The following POMGNT2 variants were observed in gnomAD, a reference collection of about 807,000 sequenced individuals.
POMGNT2 encodes the protein protein O-linked-mannose beta-1,4-N-acetylglucosaminyltransferase 2.
A neutral mutation model predicts 37.8 loss-of-function variants in POMGNT2; 32 were observed. The observed-to-expected ratio is 0.85, with a 90% CI of 0.64 to 1.14. The LOEUF (loss-of-function observed/expected upper bound fraction) is 1.14. Ranked by LOEUF, POMGNT2 falls within the 50% of genes most tolerant of loss-of-function variation. The pLI is 0.00. For missense variants in POMGNT2, 705 were observed against 780.6 expected, an observed-to-expected ratio of 0.90 and a Z score of 1.15; for synonymous variants, 340 against 336.8, an observed-to-expected ratio of 1.01 and a Z score of -0.10.
In POMGNT2 at chr3:43,081,493, A is replaced by G. The variant is rs2125701426; in HGVS notation, c.-62T>C. On this transcript the variant is annotated 5_prime_UTR_variant, in exon 2 of 2. Transcript: ENST00000344697. ...CACTGGGAAGCACCACAGGCCAGGC[A>G]GGCTTCACCCATCCCTATGGGCATC... 1 of 1,367,654 alleles carries G rather than the reference A, an allele frequency of 7.3e-7. No individual in the cohort carries two copies. The highest frequency in any genetic ancestry group is 2.5e-5 in the East Asian group (1 of 39,996). The allele number at this position is 1,367,654 out of a possible 1,614,324, so 84.7% of individuals were successfully genotyped here. A position where few individuals can be genotyped will look rare whatever the true frequency, so the allele number is the denominator to read the frequency against.
intron 1 of POMGNT2, among the ~76,000 whole-genome samples, chr3:43,100,766 C>T (rs981883414): frequency 6.6e-6 from 1 of 152,160 alleles, no homozygotes; most frequent in African/African-American, 2.4e-5. Context: ...AGTCTATCTT[C>T]AACTTATGAT....
intron 1 of POMGNT2, among the ~76,000 whole-genome samples, chr3:43,082,063 G>C (rs2089861176): frequency 6.6e-6 from 1 of 152,224 alleles, no homozygotes; most frequent in African/African-American, 2.4e-5. Flanking sequence ...TCAGGGCTGA[G>C]CAACAGCTGA....
At chr3:43,086,185 A>G (rs185468405) in intron 1 of POMGNT2, among the ~76,000 whole-genome samples, 2 of 152,332 alleles carry the variant, frequency 1.3e-5, no homozygotes, top group Non-Finnish European at 2.9e-5. Flanking sequence ...GCTCTTAACC[A>G]AAGAAGCAGG....
At position 43,079,784 on chromosome 3, in the gene POMGNT2, T is replaced by C. The variant is rs2089829425; in HGVS notation, c.1648A>G (p.Ile550Val). ...ACCAGGTAGGTGGTGAAGGGCTTGA[T>C]GTTCTCAGTGAAGGTGTGGTTCTGC... ...ALQNHTFTEN[I>V]KPFTTYLVWV... Residue 550 changes from isoleucine to valine, a missense_variant, in exon 2 of 2, where the codon ATC becomes GTC. Transcript: ENST00000344697. The C allele has an allele frequency of 6.2e-7, 1 of 1,614,204 alleles. No homozygotes were observed. The highest frequency in any genetic ancestry group is 8.5e-7 in the Non-Finnish European group (1 of 1,180,046).
chr3:43,099,867 T>C (rs1442685712), intron 1 of POMGNT2, among the ~76,000 whole-genome samples: 2 of 152,146 alleles, frequency 1.3e-5, no homozygotes, highest in Non-Finnish European at 2.9e-5. Flanking sequence ...ATAATGATAT[T>C]ATCATAGCTA....
rs2089829509 is a variant in POMGNT2, at chr3:43,079,802, G to A, written c.1630C>T (p.His544Tyr). 1.2e-6 allele frequency: 2 copies of A among 1,614,198 alleles called. No homozygotes were observed. The highest frequency in any genetic ancestry group is 4.5e-5 in the East Asian group (2 of 44,872). Residue 544 changes from histidine (H) to tyrosine (Y), a missense_variant, in exon 2 of 2, where the codon CAC becomes TAC. Coordinates refer to ENST00000344697, the MANE Select transcript of POMGNT2 (RefSeq NM_032806.6). ...YVPYILALQN[H>Y]TFTENIKPFT... ...GGCTTGATGTTCTCAGTGAAGGTGT[G>A]GTTCTGCAGAGCCAGGATGTAAGGC...
chr3:43,085,045 C>T (rs953330543), intron 1 of POMGNT2, among the ~76,000 whole-genome samples: 1 of 151,758 alleles, frequency 6.6e-6, no homozygotes, highest in African/African-American at 2.4e-5. Context: ...TCCAGGCTCC[C>T]TACTCAGCCT....
intron 1 of POMGNT2, among the ~76,000 whole-genome samples, chr3:43,089,740 G>T (rs1348287915): frequency 2.6e-5 from 4 of 152,090 alleles, no homozygotes; most frequent in African/African-American, 9.7e-5. Context: ...AAAGTCTGCA[G>T]ATGATTTAAA....
chr3:43,099,117 T>A (rs190846656), intron 1 of POMGNT2, among the ~76,000 whole-genome samples: 24 of 152,172 alleles, frequency 1.6e-4, no homozygotes, highest in Non-Finnish European at 3.5e-4. Flanking sequence ...CCAGGTTTTC[T>A]AGGTGGAACT....
At position 43,081,207 on chromosome 3, in the gene POMGNT2, T is replaced by C. The variant is rs543003466; in HGVS notation, c.225A>G (p.Thr75=). The part of the protein sequence containing the change: ...THMVCTGRTH[T]DRICRFKWLC... ...GCCACTTGAAGCGGCAGATGCGGTC[T>C]GTGTGCGTGCGGCCCGTGCACACCA... The change falls in exon 2 of 2, where the codon ACA becomes ACG. Residue 75 remains threonine, a synonymous_variant. Transcript: ENST00000344697. 1.2e-6 allele frequency: 2 copies of C among 1,614,134 alleles called. No homozygotes were observed. The highest frequency in any genetic ancestry group is 1.1e-5 in the South Asian group (1 of 91,084).
At chr3:43,088,044 C>A (rs2089912373) in intron 1 of POMGNT2, 1 of 152,188 alleles carries the variant, frequency 6.6e-6, no homozygotes, top group African/African-American at 2.4e-5. Flanking sequence ...CTTATAAGAA[C>A]CACAATTTCA....
At chr3:43,094,576 G>A (rs2089966071) in intron 1 of POMGNT2, among the ~76,000 whole-genome samples, 1 of 152,234 alleles carries the variant, frequency 6.6e-6, no homozygotes. Context: ...GTCTTCCACA[G>A]GACTGCAGCC....
At chr3:43,088,430 G>A (rs1001229100) in intron 1 of POMGNT2, among the ~76,000 whole-genome samples, 1 of 152,190 alleles carries the variant, frequency 6.6e-6, no homozygotes. Context: ...ACTGACAGAC[G>A]ACATAATGGA....
intron 1 of POMGNT2, among the ~76,000 whole-genome samples, chr3:43,105,345 G>A (rs914104200): frequency 9.2e-5 from 14 of 152,156 alleles, no homozygotes; most frequent in African/African-American, 3.4e-4. Context: ...CCCCCAAAGC[G>A]CCCAGGAATC....
intron 1 of POMGNT2, among the ~76,000 whole-genome samples, chr3:43,102,189 T>C (rs913466822): frequency 2.0e-5 from 3 of 152,126 alleles, no homozygotes; most frequent in Non-Finnish European, 4.4e-5. Context: ...GGATGTGCCA[T>C]GATTCCTGCC....
intron 1 of POMGNT2, among the ~76,000 whole-genome samples, chr3:43,087,273 T>C (rs185549449): frequency 2.0e-5 from 3 of 152,316 alleles, no homozygotes; most frequent in East Asian, 1.9e-4. Flanking sequence ...AAAACTAATA[T>C]AGGGACCATA....
At chr3:43,094,497 A>G (rs1317050063) in intron 1 of POMGNT2, among the ~76,000 whole-genome samples, 5 of 152,212 alleles carry the variant, frequency 3.3e-5, no homozygotes, top group Non-Finnish European at 7.3e-5. Flanking sequence ...CAAGGAGGCA[A>G]GGGAAGTGAG....
At position 43,080,425 on chromosome 3, in the gene POMGNT2, C is replaced by T. The variant is rs377756333; in HGVS notation, c.1007G>A (p.Ser336Asn). ...CATGCTGACCAGCATGGAGGCATTG[C>T]TGACCAGCCGCACGACATCAGCAAA... ...HTFADVVRLV[S>N]NASMLVSMHG... The change falls in exon 2 of 2, where the codon AGC (serine) becomes AAC (asparagine). Residue 336 changes from serine (S) to asparagine (N), a missense_variant. By Grantham distance (46) the Ser-to-Asn change is conservative. Transcript: ENST00000344697. The T allele has an allele frequency of 6.2e-7, 1 of 1,614,184 alleles. No homozygotes were observed. Among genetic ancestry groups the T allele is most frequent in the African/African-American group, 1.3e-5 (1 of 75,046 alleles).
At chr3:43,089,101 G>A (rs2089921860) in intron 1 of POMGNT2, among the ~76,000 whole-genome samples, 1 of 152,168 alleles carries the variant, frequency 6.6e-6, no homozygotes, top group African/African-American at 2.4e-5. Context: ...CTTTTCATGA[G>A]ACATGAAAAC....
Sources: gnomAD v4.1 joint callset for allele counts (sites outside exome capture counted in the v4.1 genomes callset) on GRCh38, gnomAD v4.1.1 for gene constraint, MANE v1.5 for transcripts, NCBI Gene and HGNC (gene_info 2026-07-23, HGNC 2026-07-21) for gene names.